XIAP: variants seen among roughly 807,000 people sequenced by gnomAD.
The protein encoded by XIAP is E3 ubiquitin-protein ligase XIAP.
A neutral mutation model predicts 33.1 loss-of-function variants in XIAP; 3 were observed. That is an observed-to-expected ratio of 0.09 (90% CI 0.04 to 0.23). The LOEUF is 0.23. Among genes scored for constraint, XIAP ranks in the 10% least tolerant of loss-of-function variants. The pLI is 1.00. For missense variants in XIAP, 264 were observed against 363.0 expected, an observed-to-expected ratio of 0.73 and a Z score of 2.22; for synonymous variants, 98 against 121.3, an observed-to-expected ratio of 0.81 and a Z score of 1.26.
chrX:123,907,014 C>T lies in XIAP; in HGVS notation c.1327C>T (p.Arg443Cys), dbSNP rs1489246570. The change falls in exon 7 of 7, where the codon CGC becomes TGC. Residue 443 changes from arginine (R) to cysteine (C), a missense_variant. Arg to Cys is a radical substitution (Grantham distance 180). Transcript: ENST00000371199. ...KEISTEEQLR[R>C]LQEEKLCKIC... ...GATTAGTACTGAAGAGCAGCTAAGGCGCCTGCAAGAGGAGAAGCTTTGCAA... is the reference window on the plus strand; with the variant it reads ...GATTAGTACTGAAGAGCAGCTAAGGTGCCTGCAAGAGGAGAAGCTTTGCAA... 1 of 1,211,372 alleles carries T rather than the reference C, an allele frequency of 8.3e-7. No individual in the cohort carries two copies. The highest frequency in any genetic ancestry group is 1.1e-6 in the Non-Finnish European group (1 of 895,273).
At chrX:123,880,422 A>G (rs949046714) in intron 1 of XIAP, among the ~76,000 whole-genome samples, 4 of 92,632 alleles carry the variant, frequency 4.3e-5, no homozygotes, top group Admixed American at 2.4e-4. Flanking sequence ...AAAAAAAAAA[A>G]AGAAAGAAAA....
At chrX:123,868,447 A>G (rs889796749) in intron 1 of XIAP, among the ~76,000 whole-genome samples, 2 of 109,836 alleles carry the variant, frequency 1.8e-5, no homozygotes, top group Non-Finnish European at 3.8e-5. Context: ...TAACAATCCC[A>G]GGCCAGGCAT....
intron 3 of XIAP, among the ~76,000 whole-genome samples, chrX:123,889,359 G>T (rs1448998353): frequency 2.8e-5 from 3 of 107,991 alleles, no homozygotes; most frequent in Non-Finnish European, 3.8e-5. Flanking sequence ...CAAAGTGCTG[G>T]GATTCTGGCT....
chrX:123,872,221 G>T (rs914290150), intron 1 of XIAP, among the ~76,000 whole-genome samples: 2 of 110,894 alleles, frequency 1.8e-5, no homozygotes, highest in Admixed American at 1.9e-4. Context: ...TTCTTACCAG[G>T]CCCCAAAGTC....
At chrX:123,899,136 A>T (rs1363689600) in intron 5 of XIAP, among the ~76,000 whole-genome samples, 2 of 65,643 alleles carry the variant, frequency 3.0e-5, no homozygotes, top group East Asian at 5.3e-4. Context: ...AAAAAAAAAA[A>T]AAAAAAAAAT....
intron 1 of XIAP, among the ~76,000 whole-genome samples, chrX:123,876,370 G>A (rs1179472776): frequency 9.0e-6 from 1 of 110,956 alleles, no homozygotes; most frequent in Admixed American, 9.8e-5. Flanking sequence ...TACATAAGTA[G>A]GTTTAGATAG....
At chrX:123,873,292 A>T (rs1275465975) in intron 1 of XIAP, among the ~76,000 whole-genome samples, 4 of 108,467 alleles carry the variant, frequency 3.7e-5, no homozygotes, top group Non-Finnish European at 5.7e-5. Context: ...TCGGCCTCCC[A>T]AAGTGCTGGG....
chrX:123,861,267 C>G (rs573063428), intron 1 of XIAP, among the ~76,000 whole-genome samples: 1 of 111,746 alleles, frequency 8.9e-6, no homozygotes, highest in Non-Finnish European at 1.9e-5. Flanking sequence ...TTGCCCACCA[C>G]TCTTACTGCG....
intron 1 of XIAP, among the ~76,000 whole-genome samples, chrX:123,871,795 CGTGA>C (rs1245469972): frequency 1.8e-5 from 2 of 110,992 alleles, no homozygotes; most frequent in Non-Finnish European, 1.9e-5. Context: ...AATTTTTGCT[CGTGA>C]GTGTCTACAA....
At chrX:123,867,497 C>G (rs1190112332) in intron 1 of XIAP, among the ~76,000 whole-genome samples, 1 of 108,709 alleles carries the variant, frequency 9.2e-6, no homozygotes, top group East Asian at 2.9e-4. Flanking sequence ...CCTGAGCCTC[C>G]TGAGTAGCTA....
intron 1 of XIAP, among the ~76,000 whole-genome samples, chrX:123,862,870 T>A (rs1602524500): frequency 2.2e-5 from 2 of 92,478 alleles, no homozygotes; most frequent in African/African-American, 4.1e-5. Context: ...AAAAAAAAAA[T>A]TGACACAAGG....
intron 4 of XIAP, among the ~76,000 whole-genome samples, chrX:123,891,755 G>A (rs1363887024): frequency 9.6e-6 from 1 of 104,029 alleles, no homozygotes; most frequent in African/African-American, 3.5e-5. Flanking sequence ...CAGAAGGTCA[G>A]AGGATTCAGT....
At chrX:123,884,872 T>C (rs745634786) in intron 1 of XIAP, among the ~76,000 whole-genome samples, 3 of 109,902 alleles carry the variant, frequency 2.7e-5, no homozygotes, top group African/African-American at 1.0e-4. Flanking sequence ...TTATCTTCCA[T>C]TTGAACAGAT....
intron 5 of XIAP, among the ~76,000 whole-genome samples, chrX:123,897,577 T>C (rs1273027303): frequency 1.8e-5 from 2 of 110,656 alleles, no homozygotes; most frequent in Admixed American, 9.7e-5. Flanking sequence ...TTTTTTTTTT[T>C]CCGGAGACGG....
chrX:123,888,126 G>A (rs1026018009), intron 2 of XIAP, among the ~76,000 whole-genome samples: 2 of 111,567 alleles, frequency 1.8e-5, no homozygotes, highest in Non-Finnish European at 3.8e-5. Flanking sequence ...TTGAGGTCAG[G>A]AGTTCAAGAT....
chrX:123,876,302 T>TA (rs779473351), intron 1 of XIAP, among the ~76,000 whole-genome samples: 1 of 110,605 alleles, frequency 9.0e-6, no homozygotes, highest in East Asian at 2.8e-4. Context: ...TAAATGGAGG[T>TA]AGTGACAGGA....
rs1569475755 is a variant in XIAP, at chrX:123,867,047, C to CG, written c.-33+6754_-33+6755insG. On this transcript the variant is annotated intron_variant, in intron 1 of 6. Transcript: ENST00000371199. ...TACAGGTTGTTTTAATCCCCCCCCCCCCTTCAACATTCTATAGTTAACATT... is the reference window on the plus strand; with the variant it reads ...TACAGGTTGTTTTAATCCCCCCCCCCGCCTTCAACATTCTATAGTTAACATT... 3.6e-4 allele frequency among the ~76,000 whole-genome samples: 28 copies of CG among 77,530 alleles called. 1 individual carries two copies. The highest frequency in any genetic ancestry group is 1.1e-3 in the African/African-American group (23 of 20,668). 67.3% of individuals were successfully genotyped at this position (77,530 alleles called of 115,157 possible). A position where few individuals can be genotyped will look rare whatever the true frequency, so the allele number is the denominator to read the frequency against.
At chrX:123,862,881 A>G (rs1346110514) in intron 1 of XIAP, among the ~76,000 whole-genome samples, 3 of 108,842 alleles carry the variant, frequency 2.8e-5, no homozygotes, top group Non-Finnish European at 3.8e-5. Context: ...TGACACAAGG[A>G]AAATATCTGC....
chrX:123,898,964 C>CA (rs1287876117), intron 5 of XIAP, among the ~76,000 whole-genome samples: 1 of 101,156 alleles, frequency 9.9e-6, no homozygotes, highest in Non-Finnish European at 2.0e-5. Context: ...ACTAAATATA[C>CA]AAAAAAATTA....
Sources: gnomAD v4.1 joint callset for allele counts (sites outside exome capture counted in the v4.1 genomes callset) on GRCh38, gnomAD v4.1.1 for gene constraint, MANE v1.5 for transcripts, NCBI Gene and HGNC (gene_info 2026-07-23, HGNC 2026-07-21) for gene names.